Variants in FBXO42 observed in about 807,000 individuals in gnomAD.
FBXO42 encodes the protein F-box protein 42.
In FBXO42, 12 loss-of-function variants were observed where a neutral mutation model predicts 71.7. The observed-to-expected ratio is 0.17, with a 90% CI of 0.11 to 0.27. The LOEUF (loss-of-function observed/expected upper bound fraction) is 0.27, where lower values mean the gene tolerates loss of function less well. Among genes scored for constraint, FBXO42 ranks in the 10% least tolerant of loss-of-function variants. The pLI is 1.00. For synonymous variants in FBXO42, 325 were observed against 327.5 expected, an observed-to-expected ratio of 0.99 and a Z score of 0.08; for missense variants, 707 against 911.9, an observed-to-expected ratio of 0.78 and a Z score of 2.89.
At position 16,247,541 on chromosome 1, in the gene FBXO42, T is replaced by TTCCTCC. The variant is rs748168388; in HGVS notation, c.*3123_*3128dup. ...AGGCTTCTTAAGTTGGTTTTCTTTC[T>TTCCTCC]TCCTCCTCCTCCTCCTCTTTTCTTT... On this transcript the variant is annotated 3_prime_UTR_variant, in exon 10 of 10. Transcript: ENST00000375592. The TTCCTCC allele has an allele frequency of 1.4e-5, 2 of 138,132 alleles. No homozygotes were observed. Among genetic ancestry groups the TTCCTCC allele is most frequent in the African/African-American group, 2.5e-5 (1 of 40,288 alleles). 8.6% of individuals were successfully genotyped at this position (138,132 alleles called of 1,614,324 possible).
chr1:16,295,989 C>A (rs1236732206), intron 3 of FBXO42, among the ~76,000 whole-genome samples: 2 of 152,164 alleles, frequency 1.3e-5, no homozygotes, highest in African/African-American at 2.4e-5. Flanking sequence ...AAAAAGCCTT[C>A]TTTGATTAGA....
intron 3 of FBXO42, among the ~76,000 whole-genome samples, chr1:16,302,817 C>A (rs960173234): frequency 2.6e-5 from 4 of 152,130 alleles, no homozygotes. Flanking sequence ...GCCGAAACCG[C>A]CACTTTTAAA....
chr1:16,315,018 C>T, intron 2 of FBXO42, 151 bp downstream of exon 2: 1 of 736,108 alleles, frequency 1.4e-6, no homozygotes, highest in Non-Finnish European at 2.1e-6. Flanking sequence ...TTAAACTAAC[C>T]AGGGTAAGAA....
chr1:16,311,158 A>G (rs976078169), intron 2 of FBXO42, among the ~76,000 whole-genome samples: 2 of 145,014 alleles, frequency 1.4e-5, no homozygotes, highest in African/African-American at 5.2e-5. Flanking sequence ...AGCCTGGGCG[A>G]CAGAGTGAGA....
chr1:16,300,455 A>T (rs894258474), intron 3 of FBXO42, among the ~76,000 whole-genome samples: 4 of 152,188 alleles, frequency 2.6e-5, no homozygotes, highest in African/African-American at 9.6e-5. Context: ...CATCTTTTCC[A>T]TGGTGTATGG....
In FBXO42 at chr1:16,332,900, A is replaced by G. The variant is rs1385198420; in HGVS notation, c.-17-17465T>C. On this transcript the variant is annotated intron_variant, in intron 1 of 9. Transcript: ENST00000375592. ...ATTATCAGGCAATAGTGACCAAAGC[A>G]TGTCATGAATTTAACAATGAGAAGA... Among the ~76,000 whole-genome samples, 4 of 152,184 alleles carry G rather than the reference A, an allele frequency of 2.6e-5. No individual in the cohort carries two copies. In the South Asian group the frequency reaches 8.3e-4, roughly 31 times the overall value.
At chr1:16,312,858 G>A (rs990843403) in intron 2 of FBXO42, among the ~76,000 whole-genome samples, 10 of 150,740 alleles carry the variant, frequency 6.6e-5, no homozygotes, top group Non-Finnish European at 1.2e-4. Flanking sequence ...GCAGTGGCTC[G>A]ATCTTGGCAC....
intron 1 of FBXO42, among the ~76,000 whole-genome samples, chr1:16,349,617 T>C (rs1378443616): frequency 6.6e-6 from 1 of 152,164 alleles, no homozygotes; most frequent in African/African-American, 2.4e-5. Context: ...TCCCAGCACT[T>C]TGGGAGGCCA....
chr1:16,325,258 G>A (rs1213739456), intron 1 of FBXO42, among the ~76,000 whole-genome samples: 1 of 151,862 alleles, frequency 6.6e-6, no homozygotes, highest in Non-Finnish European at 1.5e-5. Flanking sequence ...CAACAAAACA[G>A]AATTACCTTT....
chr1:16,269,280 G>A (rs1239969772), intron 4 of FBXO42, among the ~76,000 whole-genome samples: 1 of 147,636 alleles, frequency 6.8e-6, no homozygotes, highest in African/African-American at 2.5e-5. Flanking sequence ...GTAGAGATGA[G>A]GTTTTGTCAT....
intron 4 of FBXO42, among the ~76,000 whole-genome samples, chr1:16,279,854 CT>C (rs1553151074): frequency 1.7e-4 from 24 of 138,160 alleles, no homozygotes; most frequent in African/African-American, 4.9e-4. Flanking sequence ...TTTTTTTTTT[CT>C]TTTTTTTTTG....
At chr1:16,255,855 C>G in intron 5 of FBXO42, 34 bp from the exon 6 acceptor site, 1 of 1,452,206 alleles carries the variant, frequency 6.9e-7, no homozygotes, top group Non-Finnish European at 9.6e-7. Flanking sequence ...GTCAAGAAGT[C>G]AGCACCACAC....
chr1:16,261,544 CTA>C (rs2081711503), intron 4 of FBXO42, among the ~76,000 whole-genome samples: 1 of 152,132 alleles, frequency 6.6e-6, no homozygotes, highest in Non-Finnish European at 1.5e-5. Context: ...ATTATCTCAA[CTA>C]AGTAGGGGAA....
At chr1:16,330,938 G>C (rs1264038166) in intron 1 of FBXO42, among the ~76,000 whole-genome samples, 1 of 151,686 alleles carries the variant, frequency 6.6e-6, no homozygotes, top group Non-Finnish European at 1.5e-5. Context: ...GCAAGACTCT[G>C]TCTCAAAAAT....
Position 16,302,849 on chromosome 1 carries a change from CTT to C in FBXO42, c.367+2952_367+2953del, listed in dbSNP as rs373137109. The stretch of plus-strand genomic sequence containing the variant: ...TAAACCATCAGATCTCATGAAAATT[CTT>C]TCACTATAACAAGAACAGCATGGAG... On this transcript the variant is annotated intron_variant, in intron 3 of 9. Coordinates refer to ENST00000375592, the MANE Select transcript of FBXO42 (RefSeq NM_018994.3). Among the ~76,000 whole-genome samples, 782 of 152,286 alleles carry C rather than the reference CTT, an allele frequency of 5.1e-3. 9 individuals carry two copies. Among genetic ancestry groups the C allele is most frequent in the African/African-American group, 0.018 (746 of 41,548 alleles).
intron 1 of FBXO42, among the ~76,000 whole-genome samples, chr1:16,335,063 CAAA>C (rs55983316): frequency 0.17 from 11,318 of 66,012 alleles, 146 homozygotes; most frequent in Non-Finnish European, 0.2. Flanking sequence ...CTCGTCTGTA[CAAA>C]AAAAAAAAAA....
chr1:16,351,747 C>T (rs138988482), intron 1 of FBXO42, among the ~76,000 whole-genome samples: 1 of 152,264 alleles, frequency 6.6e-6, no homozygotes, highest in African/African-American at 2.4e-5. Context: ...TCTAAGGGAA[C>T]ACTCAACAAG....
chr1:16,299,279 G>A (rs1164670322), intron 3 of FBXO42, among the ~76,000 whole-genome samples: 1 of 152,092 alleles, frequency 6.6e-6, no homozygotes, highest in Non-Finnish European at 1.5e-5. Flanking sequence ...CCAAAGTGCT[G>A]GGATTACAGG....
chr1:16,343,589 C>T (rs1446523261), intron 1 of FBXO42, among the ~76,000 whole-genome samples: 4 of 151,886 alleles, frequency 2.6e-5, no homozygotes, highest in African/African-American at 9.7e-5. Flanking sequence ...TTTGGGAGGC[C>T]GAGGCAGGTA....
Sources: allele counts gnomAD v4.1 joint callset (sites outside exome capture counted in the v4.1 genomes callset), GRCh38; gene constraint gnomAD v4.1.1; transcripts MANE v1.5; gene names NCBI Gene and HGNC (gene_info 2026-07-23, HGNC 2026-07-21).